Variants in PRH1 observed in about 807,000 individuals in gnomAD.
PRH1 encodes the protein salivary acidic proline-rich phosphoprotein 1/2.
Under a neutral mutation model 7.9 loss-of-function variants are expected in PRH1, and 7 were observed. That is an observed-to-expected ratio of 0.89 (90% confidence interval 0.50 to 1.67). PRH1 has a LOEUF of 1.67. Ranked by LOEUF, PRH1 falls within the 40% of genes most tolerant of loss-of-function variation. The pLI is 0.00. For synonymous variants in PRH1, 45 were observed against 80.8 expected (o/e 0.56, Z 2.38); for missense variants, 109 against 223.6 (o/e 0.49, Z 3.27).
At chr12:11,099,695 T>G (rs1313620264) in intron 1 of PRH1, among the ~76,000 whole-genome samples, 5 of 152,052 alleles carry the variant, frequency 3.3e-5, no homozygotes, top group Non-Finnish European at 7.4e-5. Flanking sequence ...AGACTCCATC[T>G]CAAAAAACAG....
chr12:10,930,646 G>C (rs764538496), intron 2 of PRH1: 2 of 1,613,478 alleles, frequency 1.2e-6, no homozygotes, highest in East Asian at 2.2e-5. Context: ...AGCTCTTCTT[G>C]TTTCAACTCA....
At chr12:10,936,588 A>T (rs925319855) in intron 2 of PRH1, among the ~76,000 whole-genome samples, 2 of 152,138 alleles carry the variant, frequency 1.3e-5, no homozygotes, top group African/African-American at 4.8e-5. Context: ...CCCATTCTTT[A>T]TCAAACCCCC....
intron 1 of PRH1, among the ~76,000 whole-genome samples, chr12:11,098,642 C>G (rs1945135159): frequency 6.6e-6 from 1 of 152,170 alleles, no homozygotes; most frequent in Non-Finnish European, 1.5e-5. Context: ...TTGGTCACAA[C>G]TAAGATCATT....
chr12:11,050,695 C>T (rs1471686145), upstream of PRH1, among the ~76,000 whole-genome samples: 2 of 152,286 alleles, frequency 1.3e-5, no homozygotes, highest in South Asian at 2.1e-4. Context: ...TACACTTTGT[C>T]ATATAATCCT....
At chr12:11,058,898 T>G (rs888360868) in intron 1 of PRH1, among the ~76,000 whole-genome samples, 1 of 152,192 alleles carries the variant, frequency 6.6e-6, no homozygotes, top group African/African-American at 2.4e-5. Flanking sequence ...GTGGTGGTAT[T>G]GGACACAGAC....
At chr12:11,060,191 T>A (rs1943527170) in intron 1 of PRH1, among the ~76,000 whole-genome samples, 1 of 152,172 alleles carries the variant, frequency 6.6e-6, no homozygotes, top group Admixed American at 6.6e-5. Flanking sequence ...ACTGTACATT[T>A]CCATCTCATA....
At position 10,881,021 on chromosome 12, in the gene PRH1, C is replaced by T. The variant is rs1049118; in HGVS notation, c.*54G>A. ...AGTTAGAGCATGATGCCATGTTTCA[C>T]GGCATTTGAAACACTGTTATCTTCT... On this transcript the variant is annotated 3_prime_UTR_variant, in exon 4 of 4. Transcript: ENST00000543626. 3.6e-4 allele frequency: 65 copies of T among 182,254 alleles called. No individual in the cohort carries two copies. The highest frequency in any genetic ancestry group is 1.4e-3 in the African/African-American group (61 of 42,950). 11.3% of individuals were successfully genotyped at this position (182,254 alleles called of 1,614,324 possible).
chr12:11,080,042 T>TA (rs1478209066), intron 1 of PRH1, among the ~76,000 whole-genome samples: 1 of 125,614 alleles, frequency 8.0e-6, no homozygotes, highest in Non-Finnish European at 1.9e-5. Context: ...GGAACATTGC[T>TA]AAAAGCCTAG....
intron 1 of PRH1, among the ~76,000 whole-genome samples, chr12:11,129,062 A>G (rs1451185532): frequency 6.6e-6 from 1 of 152,194 alleles, no homozygotes; most frequent in African/African-American, 2.4e-5. Context: ...ATTTGGAACT[A>G]TAGGCATGTA....
At chr12:11,005,053 C>T (rs968559565) in intron 1 of PRH1, among the ~76,000 whole-genome samples, 20 of 152,046 alleles carry the variant, frequency 1.3e-4, no homozygotes, top group African/African-American at 4.6e-4. Context: ...TCTATGTGCA[C>T]CTGATTTCTG....
At chr12:11,127,858 G>A (rs1352189320) in intron 1 of PRH1, among the ~76,000 whole-genome samples, 2 of 147,290 alleles carry the variant, frequency 1.4e-5, no homozygotes, top group African/African-American at 4.9e-5. Flanking sequence ...TGTAATCCCA[G>A]CATTTTGGGA....
In PRH1 at chr12:11,085,108, C is replaced by T. The variant is rs550988851; in HGVS notation, n.124-37920G>A. Among the ~76,000 whole-genome samples, 14 of 52,564 alleles carry T rather than the reference C, an allele frequency of 2.7e-4. 5 individuals carry two copies. Among genetic ancestry groups the T allele is most frequent in the Non-Finnish European group, 4.9e-4 (9 of 18,338 alleles). 34.5% of individuals were successfully genotyped at this position (52,564 alleles called of 152,430 possible). A position where few individuals can be genotyped will look rare whatever the true frequency, so the allele number is the denominator to read the frequency against. On this transcript the variant is annotated intron_variant and non_coding_transcript_variant, in intron 1 of 4. Transcript: ENST00000541977. ...GTGCTGGGATTACAGCTATCAGCCA[C>T]GACACCCAACCCTTATTCATATTCT...
At chr12:11,013,787 T>C (rs1234346603) in intron 1 of PRH1, among the ~76,000 whole-genome samples, 1 of 152,144 alleles carries the variant, frequency 6.6e-6, no homozygotes, top group East Asian at 1.9e-4. Flanking sequence ...TGGAGTGCAG[T>C]GGTTTGAGAT....
At chr12:11,071,139 T>C (rs1209507036) in intron 1 of PRH1, among the ~76,000 whole-genome samples, 1 of 130,342 alleles carries the variant, frequency 7.7e-6, no homozygotes, top group African/African-American at 2.7e-5. Context: ...CAATCTCTCC[T>C]GAGAACTGAC....
intron 2 of PRH1, chr12:10,892,033 G>A (rs1376924352): frequency 6.6e-6 from 1 of 152,144 alleles, no homozygotes; most frequent in Admixed American, 6.6e-5. Flanking sequence ...CCATGACCTG[G>A]TCTTGGGCAA....
At chr12:11,035,661 C>T (rs1213365257) in intron 1 of PRH1, among the ~76,000 whole-genome samples, 1 of 152,220 alleles carries the variant, frequency 6.6e-6, no homozygotes, top group East Asian at 1.9e-4. Context: ...AGAATAAAAG[C>T]AAGATCTAGG....
chr12:10,993,611 GAC>G (rs1940051717), intron 1 of PRH1, among the ~76,000 whole-genome samples: 1 of 152,130 alleles, frequency 6.6e-6, no homozygotes, highest in African/African-American at 2.4e-5. Context: ...CTAAAAATGA[GAC>G]ACAATATTTG....
intron 1 of PRH1, among the ~76,000 whole-genome samples, chr12:11,138,823 G>A (rs1946628137): frequency 6.6e-6 from 1 of 152,064 alleles, no homozygotes; most frequent in Admixed American, 6.5e-5. Context: ...TGGATTGCCT[G>A]AGCACAGGAG....
upstream of PRH1, among the ~76,000 whole-genome samples, chr12:10,886,895 T>C (rs2135786245): frequency 6.6e-6 from 1 of 152,338 alleles, no homozygotes; most frequent in South Asian, 2.1e-4. Context: ...TGTTCAGCCA[T>C]GATGCTCTCT....
Sources: allele counts gnomAD v4.1 joint callset (sites outside exome capture counted in the v4.1 genomes callset), GRCh38; gene constraint gnomAD v4.1.1; transcripts MANE v1.5; gene names NCBI Gene and HGNC (gene_info 2026-07-23, HGNC 2026-07-21).